The following ACCS variants were observed in gnomAD, a reference collection of about 807,000 sequenced individuals.
The protein encoded by ACCS is 1-aminocyclopropane-1-carboxylate synthase-like protein 1.
In ACCS, 42 loss-of-function variants were observed where a neutral mutation model predicts 59.8. The observed-to-expected ratio is 0.70, with a 90% CI of 0.55 to 0.91. ACCS has a LOEUF of 0.91. ACCS is among the 40% of genes least tolerant of loss of function. The pLI, the probability that ACCS is intolerant of heterozygous loss-of-function variation, is 0.00. For missense variants in ACCS, 602 were observed against 630.4 expected (o/e 0.95, Z 0.48); for synonymous variants, 230 against 240.3 (o/e 0.96, Z 0.40).
intron 5 of ACCS, 99 bp downstream of exon 5, chr11:44,074,780 C>CTTTT (rs1953262850): frequency 6.5e-5 from 26 of 397,348 alleles, no homozygotes; most frequent in Admixed American, 3.4e-4. Context: ...TTCTTTTTCT[C>CTTTT]TCTCTCTCTC....
chr11:44,082,778 G>C (rs113031953), intron 12 of ACCS, among the ~76,000 whole-genome samples: 6 of 152,286 alleles, frequency 3.9e-5, no homozygotes, highest in African/African-American at 9.6e-5. Context: ...GGATCAGAGA[G>C]GTGAAGTTGC....
Position 44,083,574 on chromosome 11 carries a change from C to T in ACCS, c.1405C>T (p.Leu469=), listed in dbSNP as rs1300920580. ...CTCAGACCAGGTCCACCGGCTTTGC[C>T]TGGGTGAGCAGCCTGCCTTTCCAGC... ...VFSDQVHRLC[L]GMQRVQQVLA... The change falls in exon 14 of 15, where the codon CTG becomes TTG. Residue 469 remains leucine, a synonymous_variant. Coordinates refer to ENST00000263776, the MANE Select transcript of ACCS (RefSeq NM_032592.4). The T allele has an allele frequency of 1.1e-5, 17 of 1,614,128 alleles. No homozygotes were observed. Among genetic ancestry groups the T allele is most frequent in the African/African-American group, 1.3e-5 (1 of 74,956 alleles).
At chr11:44,079,408 A>T in intron 9 of ACCS, 123 bp from the exon 10 acceptor site, 1 of 701,402 alleles carries the variant, frequency 1.4e-6, no homozygotes, top group East Asian at 2.8e-5. Context: ...TTGGAAAAAC[A>T]AGTTTGGTAA....
In ACCS at chr11:44,081,200, C is replaced by T. The variant is rs867278902; in HGVS notation, c.991C>T (p.Arg331Cys). Residue 331 changes from arginine to cysteine, a missense_variant, in exon 12 of 15, where the codon CGC becomes TGC. Arg to Cys is a radical substitution (Grantham distance 180). Coordinates refer to ENST00000263776, the MANE Select transcript of ACCS (RefSeq NM_032592.4). ...GCAGGACTTCGGGATGTCTGGGCTC[C>T]GCTTTGGCACGCTGTACACAGAAAA... ...TSKDFGMSGLRFGTLYTENQD... is the reference protein window; with the variant it reads ...TSKDFGMSGLCFGTLYTENQD... The T allele has an allele frequency of 2.8e-5, 45 of 1,614,136 alleles. No individual in the cohort carries two copies. The highest frequency in any genetic ancestry group is 8.0e-5 in the African/African-American group (6 of 74,940).
At chr11:44,078,049 G>T in intron 8 of ACCS, 127 bp downstream of exon 8, 1 of 1,226,352 alleles carries the variant, frequency 8.2e-7, no homozygotes, top group Non-Finnish European at 1.1e-6. Context: ...CAGACAGGTA[G>T]GGTGGTAGCA....
At chr11:44,080,357 T>A (rs1038553392) in intron 10 of ACCS, among the ~76,000 whole-genome samples, 2 of 152,182 alleles carry the variant, frequency 1.3e-5, no homozygotes, top group African/African-American at 4.8e-5. Context: ...TCTCTTCTTG[T>A]CCTCACAAAG....
chr11:44,067,659 C>T lies in ACCS; in HGVS notation c.32C>T (p.Ala11Val), dbSNP rs373957500. 18 of 1,612,780 alleles carry T rather than the reference C, an allele frequency of 1.1e-5. No homozygotes were observed. The highest frequency in any genetic ancestry group is 1.7e-5 in the Admixed American group (1 of 59,816). MFTLPQKDFR[A>V]PTTCLGPTCM... ...ACCCTTCCTCAAAAGGACTTCAGGG[C>T]TCCCACCACCTGTCTGGGCCCCACC... The change falls in exon 2 of 15, where the codon GCT becomes GTT. Residue 11 changes from alanine to valine, a missense_variant. Physicochemically the swap from Ala to Val is moderately conservative, Grantham distance 64 (BLOSUM62 0). Coordinates refer to ENST00000263776, the MANE Select transcript of ACCS (RefSeq NM_032592.4).
At position 44,083,927 on chromosome 11, in the gene ACCS, T is replaced by C; in HGVS notation, c.*135T>C. 1 of 1,473,024 alleles carries C rather than the reference T, an allele frequency of 6.8e-7. No homozygotes were observed. The highest frequency in any genetic ancestry group is 9.0e-7 in the Non-Finnish European group (1 of 1,113,568). 91.2% of individuals were successfully genotyped at this position (1,473,024 alleles called of 1,614,324 possible). A position where few individuals can be genotyped will look rare whatever the true frequency, so the allele number is the denominator to read the frequency against. On this transcript the variant is annotated 3_prime_UTR_variant, in exon 15 of 15. Coordinates refer to ENST00000263776, the MANE Select transcript of ACCS (RefSeq NM_032592.4). ...ACTTGGCTTTGTGCCTGAAGAACTG[T>C]TTCTTGTCTTTCGCTGTAGCAGTGG...
At position 44,083,948 on chromosome 11, in the gene ACCS, A is replaced by G. The variant is rs1022661673; in HGVS notation, c.*156A>G. 5 of 1,443,442 alleles carry G rather than the reference A, an allele frequency of 3.5e-6. No homozygotes were observed. In the Admixed American group the frequency reaches 1.2e-4, roughly 36 times the overall value. 89.4% of individuals were successfully genotyped at this position (1,443,442 alleles called of 1,614,324 possible). Reference sequence around the variant, plus strand: ...ACTGTTTCTTGTCTTTCGCTGTAGCAGTGGGAAACTCCTTAAGCTGTGGTT... The same window carrying G: ...ACTGTTTCTTGTCTTTCGCTGTAGCGGTGGGAAACTCCTTAAGCTGTGGTT... On this transcript the variant is annotated 3_prime_UTR_variant, in exon 15 of 15. Transcript: ENST00000263776.
chr11:44,073,339 C>A, intron 3 of ACCS, 108 bp from the exon 4 acceptor site: 1 of 897,274 alleles, frequency 1.1e-6, no homozygotes, highest in Non-Finnish European at 1.8e-6. Context: ...CTGCCCCTCT[C>A]GCAGTTTCTC....
At chr11:44,078,215 T>C (rs933592887) in intron 8 of ACCS, 1 of 430,118 alleles carries the variant, frequency 2.3e-6, no homozygotes, top group Non-Finnish European at 4.1e-6. Context: ...GTGGGTCAAG[T>C]ATGGAGTACA....
In ACCS at chr11:44,066,408, C is replaced by T. The variant is rs906797601; in HGVS notation, c.-294C>T. 1 of 152,370 alleles carries T rather than the reference C, an allele frequency of 6.6e-6. No individual in the cohort carries two copies. The highest frequency in any genetic ancestry group is 1.5e-5 in the Non-Finnish European group (1 of 68,140). 9.4% of individuals were successfully genotyped at this position (152,370 alleles called of 1,614,324 possible). The stretch of plus-strand genomic sequence containing the variant: ...TGCAAAAGCCTCTGCCCTTCCATCT[C>T]GAATCCCTTGGCGCCGATCACACTT... On this transcript the variant is annotated 5_prime_UTR_variant, in exon 1 of 15. Coordinates refer to ENST00000263776, the MANE Select transcript of ACCS (RefSeq NM_032592.4).
chr11:44,067,690 G>T lies in ACCS; in HGVS notation c.63G>T (p.Met21Ile), dbSNP rs760502292. The change falls in exon 2 of 15, where the codon ATG (methionine) becomes ATT (isoleucine). Residue 21 changes from methionine to isoleucine, a missense_variant. Transcript: ENST00000263776. ...APTTCLGPTC[M>I]QDLGSSHGED... The stretch of plus-strand genomic sequence containing the variant: ...CCACCTGTCTGGGCCCCACCTGCAT[G>T]CAGGACCTGGGCAGTAGCCATGGGG... 6.2e-7 allele frequency: 1 copy of T among 1,614,202 alleles called. No homozygotes were observed. Among genetic ancestry groups the T allele is most frequent in the Non-Finnish European group, 8.5e-7 (1 of 1,180,026 alleles).
intron 5 of ACCS, 131 bp downstream of exon 5, chr11:44,074,812 C>CTT (rs11300983): frequency 1.5e-3 from 338 of 232,200 alleles, no homozygotes; most frequent in Middle Eastern, 2.2e-3. Flanking sequence ...CCTTCCTTCT[C>CTT]TTTTTTTTTT....
At chr11:44,072,131 G>A (rs1176264075) in intron 3 of ACCS, 3 of 104,150 alleles carry the variant, frequency 2.9e-5, no homozygotes, top group African/African-American at 1.0e-4. Context: ...CAAGGGGAAG[G>A]GGTTATAGGG....
At chr11:44,074,734 C>CTCTTTT in intron 5 of ACCS, 53 bp downstream of exon 5, 1 of 546,676 alleles carries the variant, frequency 1.8e-6, no homozygotes, top group South Asian at 4.7e-5. Context: ...CCCTCTCCAT[C>CTCTTTT]TCTTTCTTTC....
chr11:44,077,536 A>G, intron 7 of ACCS, 160 bp downstream of exon 7: 1 of 1,453,922 alleles, frequency 6.9e-7, no homozygotes, highest in South Asian at 1.5e-5. Flanking sequence ...TGGGTTCCCC[A>G]GTGGCTCCAA....
In ACCS at chr11:44,084,199, G is replaced by T; in HGVS notation, c.*407G>T. On this transcript the variant is annotated 3_prime_UTR_variant, in exon 15 of 15. Coordinates refer to ENST00000263776, the MANE Select transcript of ACCS (RefSeq NM_032592.4). The stretch of plus-strand genomic sequence containing the variant: ...AGTCAAAGGAACAGCACATACAGGA[G>T]AGTTTGTAGAAAAATAAAAAAAAGT... The T allele has an allele frequency of 5.7e-6, 1 of 174,084 alleles. No homozygotes were observed. The highest frequency in any genetic ancestry group is 1.5e-4 in the South Asian group (1 of 6,542). The allele number at this position is 174,084 out of a possible 1,614,324, so 10.8% of individuals were successfully genotyped here. A position where few individuals can be genotyped will look rare whatever the true frequency, so the allele number is the denominator to read the frequency against.
At chr11:44,066,911 T>C (rs1590444865) in intron 1 of ACCS, among the ~76,000 whole-genome samples, 1 of 152,252 alleles carries the variant, frequency 6.6e-6, no homozygotes, top group East Asian at 1.9e-4. Flanking sequence ...CAGGATTTGT[T>C]CTAAGTACTT....
Sources: allele counts gnomAD v4.1 joint callset (sites outside exome capture counted in the v4.1 genomes callset), GRCh38; gene constraint gnomAD v4.1.1; transcripts MANE v1.5; gene names NCBI Gene and HGNC (gene_info 2026-07-23, HGNC 2026-07-21).